Variants in CPNE8 observed in about 807,000 individuals in gnomAD.
CPNE8 encodes the protein copine-8.
In CPNE8, 45 loss-of-function variants were observed where a neutral mutation model predicts 81.5. The ratio of observed to expected loss-of-function variants is 0.55; its 90% CI spans 0.44 to 0.71. The LOEUF (loss-of-function observed/expected upper bound fraction) is 0.71, where lower values mean the gene tolerates loss of function less well. Ranked by LOEUF, CPNE8 falls within the 30% of genes least tolerant of loss-of-function variation. The pLI, the probability that CPNE8 is intolerant of heterozygous loss-of-function variation, is 0.00. For synonymous variants in CPNE8, 252 were observed against 226.3 expected (o/e 1.11, Z -1.02); for missense variants, 594 against 672.1 (o/e 0.88, Z 1.28).
chr12:38,666,531 TACG>T (rs1939059597), intron 19 of CPNE8, among the ~76,000 whole-genome samples: 10 of 152,168 alleles, frequency 6.6e-5, no homozygotes, highest in Admixed American at 6.5e-4. Context: ...TGACAGGCTA[TACG>T]TGGAGAAATT....
intron 1 of CPNE8, among the ~76,000 whole-genome samples, chr12:38,894,639 C>G (rs1330468440): frequency 2.7e-5 from 4 of 150,394 alleles, no homozygotes; most frequent in Non-Finnish European, 5.9e-5. Context: ...GTCTCACGTG[C>G]TTGCTCTCAC....
At chr12:38,876,143 T>TA (rs1254240077) in intron 1 of CPNE8, among the ~76,000 whole-genome samples, 18 of 151,674 alleles carry the variant, frequency 1.2e-4, no homozygotes, top group Admixed American at 4.6e-4. Context: ...CTTACTTATG[T>TA]AAAAAAAAAT....
intron 6 of CPNE8, among the ~76,000 whole-genome samples, chr12:38,788,872 T>A (rs985581305): frequency 1.3e-5 from 2 of 151,662 alleles, no homozygotes; most frequent in Non-Finnish European, 3.0e-5. Context: ...ACAAAAAAAA[T>A]TAAATACCTG....
intron 1 of CPNE8, among the ~76,000 whole-genome samples, chr12:38,897,058 C>T (rs1469005488): frequency 1.3e-5 from 2 of 151,936 alleles, no homozygotes; most frequent in African/African-American, 4.8e-5. Flanking sequence ...AATGAGGTTC[C>T]AAAAGTTGAA....
intron 19 of CPNE8, among the ~76,000 whole-genome samples, chr12:38,670,270 C>A (rs896699610): frequency 3.9e-5 from 6 of 152,024 alleles, no homozygotes; most frequent in African/African-American, 1.4e-4. Context: ...TACTTCACAG[C>A]TTTTTTTCTG....
chr12:38,674,993 C>T (rs998222113), intron 18 of CPNE8, among the ~76,000 whole-genome samples: 1 of 152,210 alleles, frequency 6.6e-6, no homozygotes, highest in Non-Finnish European at 1.5e-5. Context: ...TACTTGCTGT[C>T]TAGCACAAAG....
At chr12:38,840,062 A>C (rs1378481756) in intron 4 of CPNE8, 107 bp from the exon 5 acceptor site, 1 of 1,127,434 alleles carries the variant, frequency 8.9e-7, no homozygotes, top group Non-Finnish European at 1.2e-6. Flanking sequence ...ATCCAAAATA[A>C]TACCAATAGG....
At position 38,806,324 on chromosome 12, in the gene CPNE8, C is replaced by T. The variant is rs529685592; in HGVS notation, c.407+23055G>A. On this transcript the variant is annotated intron_variant, in intron 6 of 19. Coordinates refer to ENST00000331366, the MANE Select transcript of CPNE8 (RefSeq NM_153634.3). ...AAAAAGATAATTTTAGACCAATATC[C>T]TTGATGAACATTGATGCAAAAATCC... Among the ~76,000 whole-genome samples the T allele has an allele frequency of 8.3e-4, 125 of 150,040 alleles. 1 individual carries two copies. The highest frequency in any genetic ancestry group is 3.0e-3 in the African/African-American group (123 of 41,358).
chr12:38,704,826 G>GTATACATATGTGTATATATATATATA (rs1940051616), intron 13 of CPNE8, among the ~76,000 whole-genome samples: 2 of 50,200 alleles, frequency 4.0e-5, no homozygotes, highest in Non-Finnish European at 1.1e-4. Flanking sequence ...GTATGTATGT[G>GTATACATATGTGTATATATATATATA]TATATATATA....
intron 1 of CPNE8, among the ~76,000 whole-genome samples, chr12:38,899,583 C>T (rs1944431885): frequency 6.6e-6 from 1 of 152,194 alleles, no homozygotes; most frequent in Admixed American, 6.5e-5. Context: ...AGTCCATAAA[C>T]AGTGATGTGC....
chr12:38,887,511 T>A (rs1334325966), intron 1 of CPNE8, among the ~76,000 whole-genome samples: 3 of 152,196 alleles, frequency 2.0e-5, no homozygotes, highest in Non-Finnish European at 4.4e-5. Flanking sequence ...TCTCCTTTGC[T>A]CTTTTCAACA....
chr12:38,828,252 C>G (rs918359748), intron 6 of CPNE8, among the ~76,000 whole-genome samples: 4 of 152,110 alleles, frequency 2.6e-5, no homozygotes. Flanking sequence ...TTGCATCTGC[C>G]TCACAGATTG....
At chr12:38,854,663 G>A (rs1275395881) in intron 3 of CPNE8, among the ~76,000 whole-genome samples, 1 of 151,954 alleles carries the variant, frequency 6.6e-6, no homozygotes, top group African/African-American at 2.4e-5. Context: ...AACGAATTAT[G>A]AAAACTATAT....
intron 6 of CPNE8, among the ~76,000 whole-genome samples, chr12:38,781,330 T>A (rs1942048670): frequency 6.6e-6 from 1 of 151,986 alleles, no homozygotes; most frequent in African/African-American, 2.4e-5. Context: ...ATGAACTAAA[T>A]GCTCCAGATT....
At chr12:38,877,449 T>C (rs1025798108) in intron 1 of CPNE8, among the ~76,000 whole-genome samples, 2 of 152,086 alleles carry the variant, frequency 1.3e-5, no homozygotes, top group South Asian at 2.1e-4. Flanking sequence ...AGGATGCCTG[T>C]AACTTTGTTC....
chr12:38,817,744 C>G (rs540566656), intron 6 of CPNE8, among the ~76,000 whole-genome samples: 34 of 151,224 alleles, frequency 2.2e-4, no homozygotes, highest in Middle Eastern at 3.4e-3. Flanking sequence ...CTGCCTCAGC[C>G]TCCCGAGTAG....
At chr12:38,671,210 A>T (rs1396414293) in intron 18 of CPNE8, among the ~76,000 whole-genome samples, 1 of 152,142 alleles carries the variant, frequency 6.6e-6, no homozygotes, top group Non-Finnish European at 1.5e-5. Flanking sequence ...CTTGGCCTTA[A>T]TCATCATAGA....
chr12:38,760,435 G>GTGTATATATATA (rs1555154496), intron 10 of CPNE8, among the ~76,000 whole-genome samples: 21 of 127,256 alleles, frequency 1.7e-4, no homozygotes, highest in East Asian at 1.1e-3. Flanking sequence ...TGTATGGTGT[G>GTGTATATATATA]TATATATATA....
chr12:38,722,741 C>G (rs1419845840), intron 13 of CPNE8, among the ~76,000 whole-genome samples: 1 of 152,058 alleles, frequency 6.6e-6, no homozygotes, highest in Non-Finnish European at 1.5e-5. Context: ...TTTTAAATCT[C>G]TGGGGATGAT....
Sources: allele counts gnomAD v4.1 joint callset (sites outside exome capture counted in the v4.1 genomes callset), GRCh38; gene constraint gnomAD v4.1.1; transcripts MANE v1.5; gene names NCBI Gene and HGNC (gene_info 2026-07-23, HGNC 2026-07-21).